Variants in MPHOSPH9 observed in about 807,000 individuals in gnomAD.
MPHOSPH9 encodes the protein M-phase phosphoprotein 9.
In MPHOSPH9, 88 loss-of-function variants were observed where a neutral mutation model predicts 145.5. That is an observed-to-expected ratio of 0.60 (90% CI 0.51 to 0.72). The LOEUF is 0.72. Among genes scored for constraint, MPHOSPH9 ranks in the 30% least tolerant of loss-of-function variants. The probability of loss-of-function intolerance (pLI) is 0.00; values close to 1 mark genes in which losing one functional copy is unlikely to be tolerated. For synonymous variants in MPHOSPH9, 435 were observed against 486.2 expected (o/e 0.89, Z 1.39); for missense variants, 1,238 against 1,386.6 (o/e 0.89, Z 1.70).
rs1168504414 is a variant in MPHOSPH9 at position 123,163,943 on chromosome 12, C to T, written c.2908+7G>A. On this transcript the variant is annotated splice_region_variant and intron_variant, in intron 19 of 23. Coordinates refer to ENST00000606320, the MANE Select transcript of MPHOSPH9 (RefSeq NM_022782.4). ...GAACCCAAGAGATGTACACATCTAACTCTTACTTGGAGTACTTGATTTACG... is the reference window on the plus strand; with the variant it reads ...GAACCCAAGAGATGTACACATCTAATTCTTACTTGGAGTACTTGATTTACG... 4 of 1,613,986 alleles carry T rather than the reference C, an allele frequency of 2.5e-6. No homozygotes were observed. The South Asian group carries it at 4.4e-5, about 18-fold the overall frequency.
At chr12:123,224,308 G>T (rs888326654) in intron 3 of MPHOSPH9, among the ~76,000 whole-genome samples, 1 of 151,632 alleles carries the variant, frequency 6.6e-6, no homozygotes, top group Admixed American at 6.6e-5. Context: ...TAATTTTTTT[G>T]TATTTTTAGT....
At chr12:123,165,533 C>T (rs1430431867) in intron 17 of MPHOSPH9, 56 bp from the exon 18 acceptor site, 4 of 1,459,576 alleles carry the variant, frequency 2.7e-6, no homozygotes, top group East Asian at 2.3e-5. Flanking sequence ...TGTATCTTGC[C>T]CCCCGCCCCC....
chr12:123,162,065 C>CA (rs746229203), intron 21 of MPHOSPH9, 50 bp downstream of exon 21: 4 of 1,227,120 alleles, frequency 3.3e-6, no homozygotes, highest in Non-Finnish European at 4.6e-6. Context: ...ACCAGAATCT[C>CA]AAAAAATGAA....
In MPHOSPH9 at chr12:123,162,144, A is replaced by G; in HGVS notation, c.3104T>C (p.Leu1035Pro). ...CGAGTCATCTAGAGGAAGAAACTGGAGTTGCTTTCTTGGATTGGTACGTTG... is the reference window on the plus strand; with the variant it reads ...CGAGTCATCTAGAGGAAGAAACTGGGGTTGCTTTCTTGGATTGGTACGTTG... ...TLQRTNPRKQ[L>P]QFLPLDDSEE... The change falls in exon 21 of 24, where the codon CTC becomes CCC. Residue 1035 changes from leucine (L) to proline (P), a missense_variant. Leu to Pro is a moderately conservative substitution (Grantham distance 98, BLOSUM62 -3). Around this residue, in one of 3 missense-constraint regions of MPHOSPH9, gnomAD observed 393 missense variants for 462.5 expected, o/e 0.85. Coordinates refer to ENST00000606320, the MANE Select transcript of MPHOSPH9 (RefSeq NM_022782.4). 6.3e-7 allele frequency: 1 copy of G among 1,586,186 alleles called. No individual in the cohort carries two copies. Among genetic ancestry groups the G allele is most frequent in the Non-Finnish European group, 8.6e-7 (1 of 1,164,064 alleles).
chr12:123,179,522 C>A (rs978228465), intron 15 of MPHOSPH9, among the ~76,000 whole-genome samples: 2 of 151,964 alleles, frequency 1.3e-5, no homozygotes, highest in Admixed American at 1.3e-4. Context: ...TTGCAGTGAG[C>A]CAAGATTGTG....
At chr12:123,165,015 CAAA>C (rs35219995) in intron 18 of MPHOSPH9, among the ~76,000 whole-genome samples, 1 of 83,246 alleles carries the variant, frequency 1.2e-5, no homozygotes. Flanking sequence ...CTCACTGTCT[CAAA>C]AAAAAAAAAA....
chr12:123,195,369 G>A (rs533056146), intron 12 of MPHOSPH9, among the ~76,000 whole-genome samples: 25 of 151,254 alleles, frequency 1.7e-4, no homozygotes, highest in Non-Finnish European at 3.4e-4. Flanking sequence ...GGTGAATCAC[G>A]AGGTCAGGAG....
At chr12:123,230,044 A>G in intron 2 of MPHOSPH9, 1 of 321,666 alleles carries the variant, frequency 3.1e-6, no homozygotes, top group Non-Finnish European at 5.7e-6. Context: ...CTGGTCTCCA[A>G]CTCCTGGCCT....
chr12:123,242,685 C>T (rs2047960063), intron 1 of MPHOSPH9, among the ~76,000 whole-genome samples: 1 of 152,188 alleles, frequency 6.6e-6, no homozygotes, highest in Admixed American at 6.5e-5. Context: ...TCCAGTGTGT[C>T]TGGCAGCTCT....
chr12:123,176,851 C>T (rs1399265945), intron 15 of MPHOSPH9, 62 bp from the exon 16 acceptor site: 18 of 1,299,718 alleles, frequency 1.4e-5, no homozygotes, highest in Admixed American at 5.5e-5. Context: ...TATAGCTCAA[C>T]CACAGTTTAT....
chr12:123,201,624 C>G (rs2046225535), intron 11 of MPHOSPH9, among the ~76,000 whole-genome samples: 1 of 152,258 alleles, frequency 6.6e-6, no homozygotes, highest in East Asian at 1.9e-4. Context: ...AAGAGATCTG[C>G]CTGCCACAGC....
At chr12:123,207,517 A>C (rs1257159716) in intron 8 of MPHOSPH9, among the ~76,000 whole-genome samples, 1 of 152,160 alleles carries the variant, frequency 6.6e-6, no homozygotes, top group African/African-American at 2.4e-5. Flanking sequence ...CTTTAATAGT[A>C]TCTCTCCTTT....
intron 6 of MPHOSPH9, among the ~76,000 whole-genome samples, chr12:123,217,943 G>C (rs2047036566): frequency 6.6e-6 from 1 of 151,964 alleles, no homozygotes; most frequent in Non-Finnish European, 1.5e-5. Flanking sequence ...TACTTGGGAA[G>C]CTGAGGCAGG....
At chr12:123,193,761 A>G (rs1420183438) in intron 13 of MPHOSPH9, among the ~76,000 whole-genome samples, 1 of 152,130 alleles carries the variant, frequency 6.6e-6, no homozygotes, top group Non-Finnish European at 1.5e-5. Flanking sequence ...TGTTCATAGC[A>G]TTTTATCCTG....
chr12:123,196,081 G>A (rs185901027), intron 12 of MPHOSPH9, among the ~76,000 whole-genome samples: 129 of 151,166 alleles, frequency 8.5e-4, no homozygotes, highest in Non-Finnish European at 1.4e-3. Context: ...AACAAAATAC[G>A]CTGGGTGCCA....
At chr12:123,241,152 G>T (rs114908377) in intron 1 of MPHOSPH9, among the ~76,000 whole-genome samples, 2 of 149,000 alleles carry the variant, frequency 1.3e-5, no homozygotes, top group Non-Finnish European at 3.0e-5. Flanking sequence ...TTTTTTTTTT[G>T]TTTTTGTTTT....
At chr12:123,226,303 C>A in intron 3 of MPHOSPH9, 1 of 1,141,706 alleles carries the variant, frequency 8.8e-7, no homozygotes. Flanking sequence ...GCAGTTGCTG[C>A]TATCGAATTC....
chr12:123,183,418 C>T (rs1413756084), intron 13 of MPHOSPH9, among the ~76,000 whole-genome samples: 9 of 151,428 alleles, frequency 5.9e-5, no homozygotes, highest in Non-Finnish European at 1.2e-4. Flanking sequence ...TGTGGTGGCA[C>T]GTGCCTGTAG....
chr12:123,168,812 C>T (rs1399007370), intron 16 of MPHOSPH9, among the ~76,000 whole-genome samples: 7 of 151,994 alleles, frequency 4.6e-5, no homozygotes, highest in Admixed American at 4.6e-4. Context: ...TTCTCTCTGT[C>T]CCCTTTCACA....
Sources: gnomAD v4.1 joint callset for allele counts (sites outside exome capture counted in the v4.1 genomes callset) on GRCh38, gnomAD v4.1.1 for gene constraint, gnomAD v4.1.1 regional missense constraint, MANE v1.5 for transcripts, NCBI Gene and HGNC (gene_info 2026-07-23, HGNC 2026-07-21) for gene names.